FHIP1A: variants seen among roughly 807,000 people sequenced by gnomAD.
FHIP1A encodes FHF complex subunit HOOK interacting protein 1A.
FHIP1A carries 61 observed loss-of-function variants against 88.6 expected under a neutral mutation model. The ratio of observed to expected loss-of-function variants is 0.69; its 90% CI spans 0.56 to 0.85. The LOEUF (loss-of-function observed/expected upper bound fraction) is 0.85, where lower values mean the gene tolerates loss of function less well. Ranked by LOEUF, FHIP1A falls within the 40% of genes least tolerant of loss-of-function variation. FHIP1A has a pLI of 0.00. For missense variants in FHIP1A, 1,154 were observed against 1,273.5 expected, an observed-to-expected ratio of 0.91 and a Z score of 1.43; for synonymous variants, 478 against 496.0, an observed-to-expected ratio of 0.96 and a Z score of 0.48.
At chr4:151,538,898 G>C (rs1237146185) in intron 3 of FHIP1A, among the ~76,000 whole-genome samples, 1 of 152,222 alleles carries the variant, frequency 6.6e-6, no homozygotes, top group Non-Finnish European at 1.5e-5. Context: ...ATTTGTAATA[G>C]TTTTACATAG....
intron 3 of FHIP1A, among the ~76,000 whole-genome samples, chr4:151,492,692 C>T (rs1016886920): frequency 5.3e-5 from 8 of 151,898 alleles, no homozygotes; most frequent in African/African-American, 1.9e-4. Context: ...ACCCTTAACA[C>T]TATACAAATA....
Position 151,669,483 on chromosome 4 carries a change from A to C in FHIP1A, c.*6729A>C, listed in dbSNP as rs1448670648. Among the ~76,000 whole-genome samples, 2 of 152,236 alleles carry C rather than the reference A, an allele frequency of 1.3e-5. No homozygotes were observed. Among genetic ancestry groups the C allele is most frequent in the Admixed American group, 6.5e-5 (1 of 15,290 alleles). On this transcript the variant is annotated 3_prime_UTR_variant, in exon 14 of 14. Transcript: ENST00000435205. The stretch of plus-strand genomic sequence containing the variant: ...TTTCTGTAAGGTTTAGTCACCAAGA[A>C]GCCAGAACTTTTGGTGAAAACAGAA...
intron 3 of FHIP1A, among the ~76,000 whole-genome samples, chr4:151,519,580 A>C (rs998737670): frequency 1.3e-5 from 2 of 152,064 alleles, no homozygotes; most frequent in African/African-American, 4.8e-5. Context: ...GTGTGTGTAT[A>C]GTAAGTGTAT....
Position 151,546,967 on chromosome 4 carries a change from A to G in FHIP1A, c.-122-19171A>G, listed in dbSNP as rs566075409. 2.5e-3 allele frequency among the ~76,000 whole-genome samples: 379 copies of G among 152,246 alleles called. 1 individual carries two copies. Among genetic ancestry groups the G allele is most frequent in the Non-Finnish European group, 2.7e-3 (182 of 68,008 alleles). On this transcript the variant is annotated intron_variant, in intron 3 of 13. Coordinates refer to ENST00000435205, the MANE Select transcript of FHIP1A (RefSeq NM_001109977.3). Reference sequence around the variant, plus strand: ...CCTTGGTCCCCACTTCATCAGTTCCAGCAGCACCCGCCACCCCCTGCCTTG... The same window carrying G: ...CCTTGGTCCCCACTTCATCAGTTCCGGCAGCACCCGCCACCCCCTGCCTTG...
chr4:151,417,854 A>G (rs1266999677), intron 1 of FHIP1A, among the ~76,000 whole-genome samples: 1 of 152,198 alleles, frequency 6.6e-6, no homozygotes, highest in Non-Finnish European at 1.5e-5. Flanking sequence ...TATTTTAAGC[A>G]AGATGTTGTA....
chr4:151,417,970 C>T (rs1471133099), intron 1 of FHIP1A, among the ~76,000 whole-genome samples: 1 of 151,844 alleles, frequency 6.6e-6, no homozygotes, highest in Non-Finnish European at 1.5e-5. Context: ...AGAAGTTTGA[C>T]ACCAGCCTGG....
intron 1 of FHIP1A, among the ~76,000 whole-genome samples, chr4:151,448,984 C>T (rs954631020): frequency 6.6e-6 from 1 of 152,162 alleles, no homozygotes; most frequent in African/African-American, 2.4e-5. Context: ...TAGTCTGTCT[C>T]ATGGTGCCCA....
intron 7 of FHIP1A, among the ~76,000 whole-genome samples, chr4:151,624,009 A>G (rs562021123): frequency 6.6e-6 from 1 of 152,290 alleles, no homozygotes; most frequent in East Asian, 1.9e-4. Flanking sequence ...TTCTGTCCCC[A>G]GCACCCAGTA....
intron 2 of FHIP1A, among the ~76,000 whole-genome samples, chr4:151,477,528 A>T (rs566656945): frequency 3.9e-4 from 60 of 152,248 alleles, no homozygotes; most frequent in African/African-American, 1.4e-3. Flanking sequence ...TACATTTTTT[A>T]AAAAACCTGA....
At chr4:151,590,748 T>A (rs1183780172) in intron 7 of FHIP1A, among the ~76,000 whole-genome samples, 1 of 152,206 alleles carries the variant, frequency 6.6e-6, no homozygotes, top group African/African-American at 2.4e-5. Context: ...ATTGCTAACA[T>A]TTGATCTAGC....
intron 3 of FHIP1A, among the ~76,000 whole-genome samples, chr4:151,558,250 G>C (rs1191736587): frequency 6.6e-6 from 1 of 152,122 alleles, no homozygotes. Context: ...TAGAGTTGTG[G>C]TGTAGCCAGG....
chr4:151,627,421 G>A (rs1179425762), intron 7 of FHIP1A, among the ~76,000 whole-genome samples: 1 of 152,178 alleles, frequency 6.6e-6, no homozygotes, highest in Non-Finnish European at 1.5e-5. Flanking sequence ...AACTTAAGGG[G>A]GGAAAAGCTG....
At chr4:151,420,843 C>G (rs1312973832) in intron 1 of FHIP1A, among the ~76,000 whole-genome samples, 2 of 152,190 alleles carry the variant, frequency 1.3e-5, no homozygotes, top group Non-Finnish European at 2.9e-5. Context: ...CTGCAGTGCC[C>G]CATCTTGAGC....
At chr4:151,532,190 T>G (rs1302884255) in intron 3 of FHIP1A, among the ~76,000 whole-genome samples, 8 of 152,222 alleles carry the variant, frequency 5.3e-5, no homozygotes, top group Admixed American at 3.9e-4. Context: ...GAGTCTTCAT[T>G]ATTTTTCCCC....
At chr4:151,622,347 G>C (rs1019008537) in intron 7 of FHIP1A, among the ~76,000 whole-genome samples, 1 of 152,138 alleles carries the variant, frequency 6.6e-6, no homozygotes, top group African/African-American at 2.4e-5. Context: ...ACTTTCTTCT[G>C]ATGCAAAAGA....
chr4:151,417,907 G>T (rs867967599), intron 1 of FHIP1A, among the ~76,000 whole-genome samples: 2 of 152,130 alleles, frequency 1.3e-5, no homozygotes, highest in African/African-American at 4.8e-5. Flanking sequence ...AATGGCTCAT[G>T]CCTGTAATCC....
In FHIP1A at chr4:151,460,755, A is replaced by G. The variant is rs900033953; in HGVS notation, c.-248+5947A>G. 1.1e-4 allele frequency among the ~76,000 whole-genome samples: 17 copies of G among 152,348 alleles called. 1 individual carries two copies. The highest frequency in any genetic ancestry group is 4.1e-4 in the South Asian group (2 of 4,828). ...TCCAAAATCAGCTGAAGAATTTAAGATCATGATAAGTATGGACCGAGGTCA... is the reference window on the plus strand; with the variant it reads ...TCCAAAATCAGCTGAAGAATTTAAGGTCATGATAAGTATGGACCGAGGTCA... On this transcript the variant is annotated intron_variant, in intron 2 of 13. Transcript: ENST00000435205.
intron 3 of FHIP1A, among the ~76,000 whole-genome samples, chr4:151,522,701 A>G (rs1452375243): frequency 6.6e-6 from 1 of 152,230 alleles, no homozygotes; most frequent in Non-Finnish European, 1.5e-5. Flanking sequence ...TTCTCATCTA[A>G]TCATATTATT....
At chr4:151,649,092 G>C (rs1269418977) in intron 10 of FHIP1A, among the ~76,000 whole-genome samples, 1 of 152,122 alleles carries the variant, frequency 6.6e-6, no homozygotes, top group Non-Finnish European at 1.5e-5. Context: ...AAAACTTTAA[G>C]GTTATTACTC....
Sources: allele counts gnomAD v4.1 joint callset (sites outside exome capture counted in the v4.1 genomes callset), GRCh38; gene constraint gnomAD v4.1.1; transcripts MANE v1.5; gene names NCBI Gene and HGNC (gene_info 2026-07-23, HGNC 2026-07-21).